Variants in TMEM229B observed in about 807,000 individuals in gnomAD.
The protein encoded by TMEM229B is transmembrane protein 229B.
Under a neutral mutation model 13.7 loss-of-function variants are expected in TMEM229B, and 6 were observed. The observed-to-expected ratio is 0.44, with a 90% CI of 0.24 to 0.86. The LOEUF (loss-of-function observed/expected upper bound fraction) is 0.86. Ranked by LOEUF, TMEM229B falls within the 40% of genes least tolerant of loss-of-function variation. The pLI is 0.23. For synonymous variants in TMEM229B, 107 were observed against 102.1 expected, an observed-to-expected ratio of 1.05 and a Z score of -0.29; for missense variants, 170 against 236.0, an observed-to-expected ratio of 0.72 and a Z score of 1.83.
At chr14:67,523,762 T>C (rs1450583259) in intron 1 of TMEM229B, among the ~76,000 whole-genome samples, 2 of 152,204 alleles carry the variant, frequency 1.3e-5, no homozygotes, top group Non-Finnish European at 2.9e-5. Context: ...GCCCACAGCG[T>C]AGGTCAAGGT....
intron 2 of TMEM229B, among the ~76,000 whole-genome samples, chr14:67,475,214 C>A (rs2031109023): frequency 6.6e-6 from 1 of 152,184 alleles, no homozygotes; most frequent in Admixed American, 6.5e-5. Flanking sequence ...TGTGCCCAGC[C>A]AGAATTTCCT....
rs150340884 is a variant in TMEM229B at position 67,482,743 on chromosome 14, G to A, written c.-19+4257C>T. On this transcript the variant is annotated intron_variant, in intron 2 of 2. Transcript: ENST00000554480. Reference sequence around the variant, plus strand: ...AAATAGGGCTTGCCCAGGGCCAGAAGGGAAGCAAGTGGAGGGAAACTCCTG... The same window carrying A: ...AAATAGGGCTTGCCCAGGGCCAGAAAGGAAGCAAGTGGAGGGAAACTCCTG... 1.4e-3 allele frequency among the ~76,000 whole-genome samples: 209 copies of A among 152,314 alleles called. 3 individuals are homozygous for A. In the East Asian group the frequency reaches 0.022, roughly 16 times the overall value.
chr14:67,525,896 A>C (rs547433654), intron 1 of TMEM229B, among the ~76,000 whole-genome samples: 1 of 152,358 alleles, frequency 6.6e-6, no homozygotes, highest in Admixed American at 6.5e-5. Flanking sequence ...AAACCATTCC[A>C]GAAGCCATCT....
At chr14:67,521,277 T>G (rs1042236722) in intron 1 of TMEM229B, among the ~76,000 whole-genome samples, 1 of 152,254 alleles carries the variant, frequency 6.6e-6, no homozygotes, top group Non-Finnish European at 1.5e-5. Flanking sequence ...CTGTGAGCTA[T>G]GCTCAGGAAT....
At chr14:67,527,821 T>C (rs1448187674) in intron 1 of TMEM229B, among the ~76,000 whole-genome samples, 8 of 152,200 alleles carry the variant, frequency 5.3e-5, no homozygotes, top group Non-Finnish European at 1.2e-4. Flanking sequence ...CGGAGCAAAG[T>C]AGTGGCTGAG....
rs149708456 is a variant in TMEM229B at position 67,505,123 on chromosome 14, G to A, written c.-192+9963C>T. ...CCAAGATGCAACAGGTATAATGCTC[G>A]TAAGTGTGACACCAAAGAAGGATGC... On this transcript the variant is annotated intron_variant, in intron 1 of 2. Coordinates refer to the TMEM229B transcript ENST00000357461. 6.4e-4 allele frequency among the ~76,000 whole-genome samples: 98 copies of A among 152,228 alleles called. 1 individual carries two copies. Among genetic ancestry groups the A allele is most frequent in the African/African-American group, 2.3e-3 (94 of 41,524 alleles).
upstream of TMEM229B, among the ~76,000 whole-genome samples, chr14:67,519,714 GTT>G (rs11306782): frequency 2.9e-4 from 42 of 145,080 alleles, no homozygotes; most frequent in Non-Finnish European, 3.8e-4. Flanking sequence ...CTGTAAGTTT[GTT>G]TTTTTTTTTT....
upstream of TMEM229B, among the ~76,000 whole-genome samples, chr14:67,490,892 C>A (rs758161172): frequency 4.6e-5 from 7 of 152,040 alleles, no homozygotes; most frequent in Non-Finnish European, 7.4e-5. Context: ...ATGGGGTGGG[C>A]GTGGAGGGGG....
intron 1 of TMEM229B, among the ~76,000 whole-genome samples, chr14:67,531,756 T>C (rs983579062): frequency 6.7e-6 from 1 of 149,680 alleles, no homozygotes; most frequent in Non-Finnish European, 1.5e-5. Flanking sequence ...TTTTTTTTTT[T>C]TTTTTGCTGG....
chr14:67,526,399 C>T (rs975094798), intron 1 of TMEM229B, among the ~76,000 whole-genome samples: 4 of 152,226 alleles, frequency 2.6e-5, no homozygotes, highest in South Asian at 2.1e-4. Context: ...GCCAAGCTGA[C>T]GGTCTTTGCA....
intron 1 of TMEM229B, among the ~76,000 whole-genome samples, chr14:67,496,965 T>C (rs1363000120): frequency 1.3e-5 from 2 of 152,002 alleles, no homozygotes; most frequent in African/African-American, 4.8e-5. Flanking sequence ...ACCTGGCTAA[T>C]TTTTGTATTT....
At chr14:67,497,446 G>C (rs775480168) in intron 1 of TMEM229B, among the ~76,000 whole-genome samples, 1 of 152,074 alleles carries the variant, frequency 6.6e-6, no homozygotes, top group Non-Finnish European at 1.5e-5. Flanking sequence ...GGGCAGCTCC[G>C]TCAGCACTAT....
intron 2 of TMEM229B, among the ~76,000 whole-genome samples, chr14:67,478,806 C>T (rs1487505956): frequency 6.6e-6 from 1 of 152,214 alleles, no homozygotes; most frequent in East Asian, 1.9e-4. Context: ...CACTTCTGCA[C>T]CCTCCCTTCT....
upstream of TMEM229B, among the ~76,000 whole-genome samples, chr14:67,520,410 A>T (rs1342884906): frequency 1.3e-5 from 2 of 152,172 alleles, no homozygotes; most frequent in Non-Finnish European, 2.9e-5. Flanking sequence ...CTTTTCCAGA[A>T]TGTCATATAG....
chr14:67,523,433 C>T (rs985881301), intron 1 of TMEM229B, among the ~76,000 whole-genome samples: 2 of 152,136 alleles, frequency 1.3e-5, no homozygotes, highest in Non-Finnish European at 2.9e-5. Context: ...ATTAATGTGC[C>T]ATGCACTGTG....
At chr14:67,504,020 T>G (rs1345968699) in intron 1 of TMEM229B, among the ~76,000 whole-genome samples, 1 of 143,872 alleles carries the variant, frequency 7.0e-6, no homozygotes, top group African/African-American at 2.6e-5. Context: ...AATTTTTATT[T>G]TTATTATTTT....
chr14:67,520,883 A>G (rs1409297253), intron 1 of TMEM229B, among the ~76,000 whole-genome samples: 1 of 152,230 alleles, frequency 6.6e-6, no homozygotes. Flanking sequence ...TTTATAAGAA[A>G]TTTCCAAACT....
intron 1 of TMEM229B, among the ~76,000 whole-genome samples, chr14:67,496,399 T>TTGTTTTG (rs2032375926): frequency 1.6e-5 from 2 of 122,054 alleles, no homozygotes; most frequent in Non-Finnish European, 3.4e-5. Context: ...GCGTTTTTTT[T>TTGTTTTG]TTTTTTTTTT....
intron 2 of TMEM229B, among the ~76,000 whole-genome samples, chr14:67,482,517 C>T (rs905783344): frequency 9.8e-5 from 15 of 152,294 alleles, no homozygotes; most frequent in African/African-American, 3.6e-4. Flanking sequence ...AGCTTCACTC[C>T]CCATCCCCAG....
Sources: gnomAD v4.1 joint callset for allele counts (sites outside exome capture counted in the v4.1 genomes callset) on GRCh38, gnomAD v4.1.1 for gene constraint, MANE v1.5 for transcripts, NCBI Gene and HGNC (gene_info 2026-07-23, HGNC 2026-07-21) for gene names.